The following DENND1A variants were observed in gnomAD, a reference collection of about 807,000 sequenced individuals.
The protein encoded by DENND1A is DENN domain containing 1A, also known as DENN domain-containing protein 1A.
In DENND1A, 51 loss-of-function variants were observed where a neutral mutation model predicts 113.7. That is an observed-to-expected ratio of 0.45 (90% confidence interval 0.36 to 0.57). The LOEUF is 0.57. Ranked by LOEUF, DENND1A falls within the 20% of genes least tolerant of loss-of-function variation. The pLI is 0.00. For missense variants in DENND1A, 1,258 were observed against 1,395.9 expected (o/e 0.90, Z 1.57); for synonymous variants, 565 against 570.8 (o/e 0.99, Z 0.14).
At chr9:123,598,314 C>T (rs888289706) in intron 11 of DENND1A, among the ~76,000 whole-genome samples, 43 of 152,042 alleles carry the variant, frequency 2.8e-4, no homozygotes, top group African/African-American at 9.9e-4. Flanking sequence ...ATAACTCAGC[C>T]CCAAGTCCAG....
intron 10 of DENND1A, among the ~76,000 whole-genome samples, chr9:123,614,845 T>A (rs1012810110): frequency 7.9e-5 from 12 of 152,200 alleles, no homozygotes; most frequent in African/African-American, 2.4e-4. Context: ...GCAAAGGGGA[T>A]CCCACAGTCA....
chr9:123,466,701 A>G (rs1271856439), intron 13 of DENND1A, among the ~76,000 whole-genome samples: 1 of 152,194 alleles, frequency 6.6e-6, no homozygotes, highest in Non-Finnish European at 1.5e-5. Flanking sequence ...CTTCTATGTC[A>G]TCATTTTCAG....
At chr9:123,929,110 C>A (rs1857578367) in intron 1 of DENND1A, among the ~76,000 whole-genome samples, 1 of 152,320 alleles carries the variant, frequency 6.6e-6, no homozygotes, top group Admixed American at 6.5e-5. Context: ...TTTCCAAAGT[C>A]AACTTCTAAG....
rs375984977 is a variant in DENND1A, at chr9:123,609,465, G to T, written c.736C>A (p.Leu246Ile). Residue 246 changes from leucine (L) to isoleucine (I), a missense_variant, in exon 11 of 24, where the codon CTC becomes ATC. Leu to Ile is a conservative substitution (Grantham distance 5). This residue lies in a region of DENND1A where 1,159 missense variants were observed against 1,231.7 expected (regional missense o/e 0.94). Transcript: ENST00000394215. Reference protein sequence around the residue: ...LDYCCAPMPYLIGIHLSLMEK... With the variant: ...LDYCCAPMPYIIGIHLSLMEK... Reference sequence around the variant, plus strand: ...ATTAAACTTAAATGGATTCCTATGAGGTAGGGCATGGGAGCACTGTGAAGA... The same window carrying T: ...ATTAAACTTAAATGGATTCCTATGATGTAGGGCATGGGAGCACTGTGAAGA... The T allele has an allele frequency of 6.8e-6, 11 of 1,613,612 alleles. No homozygotes were observed. The highest frequency in any genetic ancestry group is 9.3e-6 in the Non-Finnish European group (11 of 1,179,772).
At chr9:123,814,438 A>G (rs886305413) in intron 2 of DENND1A, among the ~76,000 whole-genome samples, 8 of 152,130 alleles carry the variant, frequency 5.3e-5, no homozygotes, top group Non-Finnish European at 1.0e-4. Context: ...AGCATTGTAC[A>G]TGTTTTATAG....
intron 1 of DENND1A, among the ~76,000 whole-genome samples, chr9:123,883,015 C>T (rs1848540481): frequency 6.6e-6 from 1 of 152,194 alleles, no homozygotes; most frequent in African/African-American, 2.4e-5. Flanking sequence ...TGAACTCCAG[C>T]CACAATGACC....
At chr9:123,850,141 G>A (rs1195001953) in intron 2 of DENND1A, among the ~76,000 whole-genome samples, 1 of 152,182 alleles carries the variant, frequency 6.6e-6, no homozygotes, top group Admixed American at 6.5e-5. Context: ...GATTCTAAAA[G>A]GAGTTCGACT....
chr9:123,835,999 T>A (rs1188728384), intron 2 of DENND1A, among the ~76,000 whole-genome samples: 1 of 152,178 alleles, frequency 6.6e-6, no homozygotes, highest in Non-Finnish European at 1.5e-5. Context: ...GAGATCTGTG[T>A]GTAAAGTATC....
At chr9:123,510,164 C>A (rs2053331286) in intron 13 of DENND1A, among the ~76,000 whole-genome samples, 3 of 152,250 alleles carry the variant, frequency 2.0e-5, no homozygotes, top group Non-Finnish European at 4.4e-5. Flanking sequence ...AGTCGCTACA[C>A]AACCTCCTCC....
intron 10 of DENND1A, among the ~76,000 whole-genome samples, chr9:123,626,230 G>A (rs2061207103): frequency 6.6e-6 from 1 of 152,140 alleles, no homozygotes; most frequent in Non-Finnish European, 1.5e-5. Context: ...GGCGTGTGGT[G>A]TGTATGGGCG....
At chr9:123,544,564 T>G (rs1021220890) in intron 13 of DENND1A, among the ~76,000 whole-genome samples, 1 of 152,172 alleles carries the variant, frequency 6.6e-6, no homozygotes, top group African/African-American at 2.4e-5. Flanking sequence ...ACCAGGCAGA[T>G]GGAGGGGCCA....
At chr9:123,522,410 G>A (rs930284812) in intron 13 of DENND1A, among the ~76,000 whole-genome samples, 1 of 152,218 alleles carries the variant, frequency 6.6e-6, no homozygotes, top group Admixed American at 6.5e-5. Flanking sequence ...GTGCATGGGA[G>A]CAATTAGAGC....
chr9:123,499,675 C>G (rs373681490), intron 13 of DENND1A, among the ~76,000 whole-genome samples: 1 of 152,208 alleles, frequency 6.6e-6, no homozygotes, highest in Non-Finnish European at 1.5e-5. Context: ...ACACACTTCA[C>G]CACCATCTTC....
chr9:123,557,419 AG>A, intron 13 of DENND1A, 150 bp downstream of exon 13: 1 of 1,159,644 alleles, frequency 8.6e-7, no homozygotes, highest in Non-Finnish European at 1.2e-6. Context: ...AGGTATGGCA[AG>A]GGGAGTACAC....
At chr9:123,699,688 C>CTTTTTTTTTTTTT (rs34215948) in intron 5 of DENND1A, among the ~76,000 whole-genome samples, 47 of 112,412 alleles carry the variant, frequency 4.2e-4, no homozygotes, top group African/African-American at 9.7e-4. Flanking sequence ...TTCTTTCTTT[C>CTTTTTTTTTTTTT]TTTTTTTTTT....
At chr9:123,852,034 C>T (rs1843453019) in intron 2 of DENND1A, among the ~76,000 whole-genome samples, 2 of 152,188 alleles carry the variant, frequency 1.3e-5, no homozygotes, top group South Asian at 4.1e-4. Flanking sequence ...TTGGGGACCG[C>T]TATTGAGTGC....
At chr9:123,601,745 G>A (rs959596797) in intron 11 of DENND1A, among the ~76,000 whole-genome samples, 1 of 152,220 alleles carries the variant, frequency 6.6e-6, no homozygotes. Flanking sequence ...AACTATATCA[G>A]TTAATTCTCA....
intron 18 of DENND1A, among the ~76,000 whole-genome samples, chr9:123,447,667 T>C (rs892691908): frequency 2.0e-5 from 3 of 152,186 alleles, no homozygotes; most frequent in African/African-American, 7.2e-5. Flanking sequence ...ATTGGATCTT[T>C]GTTGGAAACT....
intron 12 of DENND1A, among the ~76,000 whole-genome samples, chr9:123,562,108 C>A (rs1314046532): frequency 6.6e-6 from 1 of 152,144 alleles, no homozygotes; most frequent in Non-Finnish European, 1.5e-5. Context: ...CACTTTGATC[C>A]TCCATCAAAA....
Sources: gnomAD v4.1 joint callset for allele counts (sites outside exome capture counted in the v4.1 genomes callset) on GRCh38, gnomAD v4.1.1 for gene constraint, gnomAD v4.1.1 regional missense constraint, MANE v1.5 for transcripts, NCBI Gene and HGNC (gene_info 2026-07-23, HGNC 2026-07-21) for gene names.